Variants in PARD3B observed in about 807,000 individuals in gnomAD.
PARD3B encodes the protein partitioning defective 3 homolog B.
Under a neutral mutation model 130.2 loss-of-function variants are expected in PARD3B, and 103 were observed. The observed-to-expected ratio is 0.79, with a 90% CI of 0.67 to 0.93. The LOEUF is 0.93. Ranked by LOEUF, PARD3B falls within the 40% of genes least tolerant of loss-of-function variation. The pLI is 0.00. For missense variants in PARD3B, 1,609 were observed against 1,499.2 expected (o/e 1.07, Z -1.21); for synonymous variants, 583 against 553.2 (o/e 1.05, Z -0.76).
intron 2 of PARD3B, among the ~76,000 whole-genome samples, chr2:204,804,484 C>T (rs1192412651): frequency 6.6e-6 from 1 of 152,046 alleles, no homozygotes; most frequent in African/African-American, 2.4e-5. Flanking sequence ...CAGTGGAGCA[C>T]CCGGATATAT....
chr2:204,650,317 A>G (rs1475955192), intron 1 of PARD3B, among the ~76,000 whole-genome samples: 2 of 152,194 alleles, frequency 1.3e-5, no homozygotes, highest in Admixed American at 6.5e-5. Context: ...AACTGGTTCA[A>G]CCATTGTGGA....
Position 204,887,762 on chromosome 2 carries a change from C to T in PARD3B, c.223-77390C>T, listed in dbSNP as rs1264261905. On this transcript the variant is annotated intron_variant, in intron 2 of 22. Transcript: ENST00000406610. This position sits in a 1 kb window ranked among gnomAD's most constrained non-coding sequence, Gnocchi z 4.2. ...GGTAACTGGAGACATAAAATGAGCACACATGTAAAACCAAATAGCGATACA... is the reference window on the plus strand; with the variant it reads ...GGTAACTGGAGACATAAAATGAGCATACATGTAAAACCAAATAGCGATACA... Among the ~76,000 whole-genome samples, 1 of 152,080 alleles carries T rather than the reference C, an allele frequency of 6.6e-6. No homozygotes were observed. The highest frequency in any genetic ancestry group is 2.4e-5 in the African/African-American group (1 of 41,398).
At chr2:204,671,129 G>C (rs1420419021) in intron 1 of PARD3B, among the ~76,000 whole-genome samples, 2 of 152,066 alleles carry the variant, frequency 1.3e-5, no homozygotes, top group Non-Finnish European at 2.9e-5. Flanking sequence ...GAGCACATTC[G>C]TCTAATCACC....
At chr2:205,115,477 T>G (rs1230167547) in intron 6 of PARD3B, among the ~76,000 whole-genome samples, 4 of 152,162 alleles carry the variant, frequency 2.6e-5, no homozygotes, top group African/African-American at 9.7e-5. Context: ...TGATGATTAT[T>G]TTGGCTAAAA....
chr2:205,260,570 C>A (rs902724787), intron 16 of PARD3B, among the ~76,000 whole-genome samples: 4 of 152,092 alleles, frequency 2.6e-5, no homozygotes, highest in African/African-American at 9.7e-5. Flanking sequence ...TGCTTTTCTT[C>A]AGAGAGGATT....
intron 15 of PARD3B, among the ~76,000 whole-genome samples, chr2:205,224,467 A>G (rs2038431016): frequency 1.3e-5 from 2 of 151,576 alleles, no homozygotes; most frequent in Admixed American, 1.3e-4. Flanking sequence ...TTATGCTATC[A>G]AATACTAGAT....
At chr2:205,428,310 G>A (rs1261851976) in intron 19 of PARD3B, among the ~76,000 whole-genome samples, 1 of 152,154 alleles carries the variant, frequency 6.6e-6, no homozygotes, top group Non-Finnish European at 1.5e-5. Flanking sequence ...AGCCCAGGAG[G>A]CAGAGGTTGC....
At chr2:204,916,302 A>G (rs2125737926) in intron 2 of PARD3B, among the ~76,000 whole-genome samples, 1 of 152,356 alleles carries the variant, frequency 6.6e-6, no homozygotes, top group South Asian at 2.1e-4. Context: ...AAAAATATCT[A>G]ATAGATACAT....
At chr2:204,637,042 A>T (rs959904485) in intron 1 of PARD3B, among the ~76,000 whole-genome samples, 1 of 152,084 alleles carries the variant, frequency 6.6e-6, no homozygotes, top group African/African-American at 2.4e-5. Flanking sequence ...GAAAATAAAC[A>T]CTTAATCCCT....
At chr2:204,721,549 T>G (rs2038998081) in intron 2 of PARD3B, among the ~76,000 whole-genome samples, 1 of 152,166 alleles carries the variant, frequency 6.6e-6, no homozygotes, top group South Asian at 2.1e-4. Context: ...AGATATAGAT[T>G]AAGAGCCATT....
chr2:205,455,687 A>T (rs906392677), intron 20 of PARD3B, among the ~76,000 whole-genome samples: 4 of 151,714 alleles, frequency 2.6e-5, no homozygotes, highest in Non-Finnish European at 2.9e-5. Context: ...TTATTTTGAA[A>T]TTTTTCTAGA....
intron 20 of PARD3B, among the ~76,000 whole-genome samples, chr2:205,493,713 CA>C (rs2049811554): frequency 6.8e-6 from 1 of 146,814 alleles, no homozygotes; most frequent in Non-Finnish European, 1.5e-5. Context: ...CATTTCTTTT[CA>C]TTTATGTATG....
chr2:205,557,736 T>C (rs1314114082), intron 22 of PARD3B, among the ~76,000 whole-genome samples: 4 of 152,166 alleles, frequency 2.6e-5, no homozygotes, highest in Admixed American at 6.5e-5. Context: ...GGATTTTTTA[T>C]TGTTAGCTCT....
chr2:205,168,148 C>T (rs2034922543), intron 11 of PARD3B, among the ~76,000 whole-genome samples: 1 of 152,092 alleles, frequency 6.6e-6, no homozygotes, highest in Non-Finnish European at 1.5e-5. Flanking sequence ...TTTTCCTTCC[C>T]TTTGGGAATT....
At chr2:205,345,093 A>G (rs2043701144) in intron 18 of PARD3B, among the ~76,000 whole-genome samples, 1 of 152,202 alleles carries the variant, frequency 6.6e-6, no homozygotes, top group African/African-American at 2.4e-5. Context: ...CCCATTTGCA[A>G]GGTTCATGGT....
chr2:204,910,504 T>C (rs1484568718), intron 2 of PARD3B, among the ~76,000 whole-genome samples: 1 of 152,202 alleles, frequency 6.6e-6, no homozygotes, highest in Non-Finnish European at 1.5e-5. Flanking sequence ...AATTAAATAT[T>C]GGCAGGTTTC....
chr2:205,242,523 G>A (rs943273109), intron 15 of PARD3B, among the ~76,000 whole-genome samples: 1 of 152,128 alleles, frequency 6.6e-6, no homozygotes, highest in Non-Finnish European at 1.5e-5. Flanking sequence ...ACTGCAGGAT[G>A]ATTTAGGAGC....
chr2:205,532,697 T>G (rs1475174456), intron 21 of PARD3B, among the ~76,000 whole-genome samples: 2 of 152,156 alleles, frequency 1.3e-5, no homozygotes, highest in African/African-American at 4.8e-5. Flanking sequence ...AAATCTGAGG[T>G]GCCAACACAC....
intron 13 of PARD3B, among the ~76,000 whole-genome samples, chr2:205,184,929 C>G (rs2036009009): frequency 6.6e-6 from 1 of 152,068 alleles, no homozygotes; most frequent in Non-Finnish European, 1.5e-5. Context: ...ACATGGCAGT[C>G]TTGCTCCAAA....
Sources: allele counts gnomAD v4.1 joint callset (sites outside exome capture counted in the v4.1 genomes callset), GRCh38; gene constraint gnomAD v4.1.1; non-coding constraint Gnocchi (gnomAD v3.1); transcripts MANE v1.5; gene names NCBI Gene and HGNC (gene_info 2026-07-23, HGNC 2026-07-21).